Variants in TMEM154 observed in about 807,000 individuals in gnomAD.
TMEM154 encodes transmembrane protein 154.
A neutral mutation model predicts 24.5 loss-of-function variants in TMEM154; 27 were observed. The ratio of observed to expected loss-of-function variants is 1.10; its 90% CI spans 0.81 to 1.52. The LOEUF is 1.52. Among genes scored for constraint, TMEM154 ranks in the 40% most tolerant of loss-of-function variants. The pLI, the probability that TMEM154 is intolerant of heterozygous loss-of-function variation, is 0.00. For missense variants in TMEM154, 228 were observed against 213.4 expected (o/e 1.07, Z -0.43); for synonymous variants, 67 against 76.8 (o/e 0.87, Z 0.67).
intron 1 of TMEM154, among the ~76,000 whole-genome samples, chr4:152,655,973 C>T (rs1367297204): frequency 5.3e-5 from 8 of 152,138 alleles, no homozygotes; most frequent in African/African-American, 1.9e-4. Flanking sequence ...CTTGAGTGTG[C>T]CATTTGGGGC....
At chr4:152,676,278 G>A (rs1348608238) in intron 1 of TMEM154, among the ~76,000 whole-genome samples, 1 of 152,160 alleles carries the variant, frequency 6.6e-6, no homozygotes, top group African/African-American at 2.4e-5. Flanking sequence ...TGCAGCCACC[G>A]CAAAGCCTAG....
At chr4:152,659,011 G>A (rs1182550348) in intron 1 of TMEM154, among the ~76,000 whole-genome samples, 1 of 152,030 alleles carries the variant, frequency 6.6e-6, no homozygotes, top group Non-Finnish European at 1.5e-5. Context: ...TCACTACTGG[G>A]TATTTATCCA....
At chr4:152,638,941 CA>C (rs947047754) in intron 6 of TMEM154, among the ~76,000 whole-genome samples, 1 of 151,918 alleles carries the variant, frequency 6.6e-6, no homozygotes. Context: ...CTCATTATTT[CA>C]AAAATCTGAC....
chr4:152,679,923 G>A lies in TMEM154; in HGVS notation c.11C>T (p.Pro4Leu), dbSNP rs1437519157. The A allele has an allele frequency of 6.2e-7, 1 of 1,610,262 alleles. No homozygotes were observed. The highest frequency in any genetic ancestry group is 1.1e-5 in the South Asian group (1 of 90,074). The change falls in exon 1 of 7, where the codon CCC becomes CTC. Residue 4 changes from proline to leucine, a missense_variant. Transcript: ENST00000304385. ...CAGGGCGAAGACTAGGGCTGCGCGG[G>A]GAGCCTGCATGTCCGCTCGCCTCGG... is the stretch of plus-strand genomic sequence containing the variant. MQA[P>L]RAALVFALVI...
chr4:152,663,965 G>A (rs542811941), intron 1 of TMEM154, among the ~76,000 whole-genome samples: 4 of 152,356 alleles, frequency 2.6e-5, no homozygotes, highest in Admixed American at 6.5e-5. Flanking sequence ...GGGCAGCACA[G>A]TGTCCCCATT....
chr4:152,652,825 TC>T lies in TMEM154; in HGVS notation c.166del (p.Glu56LysfsTer3). On this transcript the variant is annotated frameshift_variant, in exon 2 of 7. Transcript: ENST00000304385. LOFTEE classifies it high-confidence loss of function. Reference sequence around the variant, plus strand: ...AGAATTTATATTTGCATTTAATGTTTCTTTGATGGTCACTGCAGCAAATGTG... The same window carrying T: ...AGAATTTATATTTGCATTTAATGTTTTTTGATGGTCACTGCAGCAAATGTG... ...PSTFAAVTIKETLNANINSTN... is the reference protein window; with the variant it reads ...PSTFAAVTIKXTLNANINSTN... 6.2e-7 allele frequency: 1 copy of T among 1,614,118 alleles called. No individual in the cohort carries two copies. The highest frequency in any genetic ancestry group is 2.2e-5 in the East Asian group (1 of 44,848).
intron 5 of TMEM154, among the ~76,000 whole-genome samples, chr4:152,641,661 CTT>C (rs5863014): frequency 0.022 from 2,761 of 126,892 alleles, 54 homozygotes; most frequent in African/African-American, 0.064. Flanking sequence ...TTTCTTCTAC[CTT>C]TTTTTTTTTT....
At chr4:152,673,575 A>G (rs1385548879) in intron 1 of TMEM154, among the ~76,000 whole-genome samples, 1 of 152,234 alleles carries the variant, frequency 6.6e-6, no homozygotes, top group Non-Finnish European at 1.5e-5. Flanking sequence ...TGCTGGGATT[A>G]CAGTCCTGAG....
At chr4:152,640,824 G>A (rs1752241076) in intron 6 of TMEM154, 104 bp downstream of exon 6, 3 of 951,868 alleles carry the variant, frequency 3.2e-6, no homozygotes, top group Admixed American at 4.5e-5. Context: ...GATCTCATAC[G>A]AATTATAGGC....
At chr4:152,666,004 G>C (rs1459247017) in intron 1 of TMEM154, among the ~76,000 whole-genome samples, 1 of 151,980 alleles carries the variant, frequency 6.6e-6, no homozygotes, top group African/African-American at 2.4e-5. Context: ...TACCCAGGCT[G>C]GTCTCCAACT....
At chr4:152,675,458 T>C (rs942293966) in intron 1 of TMEM154, among the ~76,000 whole-genome samples, 2 of 151,926 alleles carry the variant, frequency 1.3e-5, no homozygotes, top group Non-Finnish European at 2.9e-5. Context: ...AGAAACCCCA[T>C]CTCTACTAAA....
intron 5 of TMEM154, among the ~76,000 whole-genome samples, chr4:152,641,976 G>A (rs1281653461): frequency 6.2e-5 from 8 of 129,076 alleles, no homozygotes; most frequent in Non-Finnish European, 1.1e-4. Context: ...AGGCTGGAGT[G>A]CAGTGGCACA....
At chr4:152,629,703 T>G (rs1751996274) in intron 6 of TMEM154, among the ~76,000 whole-genome samples, 1 of 152,218 alleles carries the variant, frequency 6.6e-6, no homozygotes, top group African/African-American at 2.4e-5. Flanking sequence ...TAGATGTGGA[T>G]AGTCTGCAAT....
At chr4:152,649,213 C>T (rs1728326362) in intron 3 of TMEM154, among the ~76,000 whole-genome samples, 1 of 152,236 alleles carries the variant, frequency 6.6e-6, no homozygotes, top group Admixed American at 6.5e-5. Context: ...GTTTTGTATA[C>T]ATGTATGACT....
In TMEM154 at chr4:152,621,305, T is replaced by G. The variant is rs911611173; in HGVS notation, c.*7241A>C. The stretch of plus-strand genomic sequence containing the variant: ...GAAAGAAGCCCTGTACTAATGAAGG[T>G]GGGGAAGAGTTAGAAGGAACTTGTG... On this transcript the variant is annotated 3_prime_UTR_variant, in exon 7 of 7. Coordinates refer to ENST00000304385, the MANE Select transcript of TMEM154 (RefSeq NM_152680.3). The G allele has an allele frequency of 6.6e-6, 1 of 152,186 alleles. No individual in the cohort carries two copies. Among genetic ancestry groups the G allele is most frequent in the Non-Finnish European group, 1.5e-5 (1 of 68,032 alleles). The allele number at this position is 152,186 out of a possible 1,614,324, so 9.4% of individuals were successfully genotyped here.
intron 1 of TMEM154, among the ~76,000 whole-genome samples, chr4:152,660,570 C>T (rs1033480102): frequency 2.0e-5 from 3 of 152,118 alleles, no homozygotes; most frequent in African/African-American, 4.8e-5. Flanking sequence ...ACACAACTTG[C>T]CCAAGATCAC....
intron 3 of TMEM154, chr4:152,646,565 G>A (rs1728239887): frequency 1.0e-5 from 2 of 191,430 alleles, no homozygotes; most frequent in South Asian, 2.1e-4. Context: ...TATTCCCTTT[G>A]CAACCAGGAG....
At chr4:152,632,104 G>A (rs1230192449) in intron 6 of TMEM154, among the ~76,000 whole-genome samples, 2 of 152,118 alleles carry the variant, frequency 1.3e-5, no homozygotes, top group African/African-American at 4.8e-5. Context: ...ACAGTGCCCG[G>A]CCAAATCTAT....
intron 1 of TMEM154, among the ~76,000 whole-genome samples, chr4:152,675,811 C>T (rs1195751052): frequency 6.6e-6 from 1 of 152,182 alleles, no homozygotes; most frequent in African/African-American, 2.4e-5. Context: ...GTACAAACTA[C>T]ATACGAATAG....
Sources: allele counts gnomAD v4.1 joint callset (sites outside exome capture counted in the v4.1 genomes callset), GRCh38; gene constraint gnomAD v4.1.1; transcripts MANE v1.5; gene names NCBI Gene and HGNC (gene_info 2026-07-23, HGNC 2026-07-21).